The following TRDMT1 variants were observed in gnomAD, a reference collection of about 807,000 sequenced individuals.
The protein encoded by TRDMT1 is tRNA (cytosine(38)-C(5))-methyltransferase.
In TRDMT1, 49 loss-of-function variants were observed where a neutral mutation model predicts 51.2. The observed-to-expected ratio is 0.96, with a 90% CI of 0.76 to 1.21. The LOEUF (loss-of-function observed/expected upper bound fraction) is 1.21. TRDMT1 is among the 50% of genes most tolerant of loss of function. TRDMT1 has a pLI of 0.00. For synonymous variants in TRDMT1, 187 were observed against 164.6 expected (o/e 1.14, Z -1.04); for missense variants, 534 against 462.3 (o/e 1.16, Z -1.42).
chr10:17,147,213 A>G lies in TRDMT1; in HGVS notation c.*1827T>C, dbSNP rs180802876. ...ACAGAACCTACATGAAAGTGTGCCA[A>G]AATAATTTGTGATTGTTTACTGAAA... On this transcript the variant is annotated 3_prime_UTR_variant, in exon 11 of 11. Coordinates refer to ENST00000377799, the MANE Select transcript of TRDMT1 (RefSeq NM_004412.7). 9.0e-3 allele frequency: 8,898 copies of G among 985,820 alleles called. 38 individuals carry two copies. The highest frequency in any genetic ancestry group is 0.01 in the Non-Finnish European group (8,515 of 829,900). 61.1% of individuals were successfully genotyped at this position (985,820 alleles called of 1,614,324 possible).
chr10:17,156,441 G>C (rs11594991), intron 8 of TRDMT1, among the ~76,000 whole-genome samples: 2 of 151,704 alleles, frequency 1.3e-5, no homozygotes, highest in Non-Finnish European at 2.9e-5. Flanking sequence ...CACCATGTTG[G>C]CCAGGCTAGT....
At chr10:17,162,286 T>C (rs1252422302) in intron 3 of TRDMT1, 49 bp from the exon 4 acceptor site, 6 of 1,502,448 alleles carry the variant, frequency 4.0e-6, no homozygotes, top group Non-Finnish European at 5.4e-6. Context: ...AGAAAGTTTA[T>C]TAAGAATCTG....
chr10:17,150,535 C>A (rs1838552749), intron 10 of TRDMT1: 4 of 985,186 alleles, frequency 4.1e-6, no homozygotes, highest in Non-Finnish European at 4.8e-6. Context: ...TGTCCACGTA[C>A]AAGCGTGTGC....
rs371708727 is a variant in TRDMT1 at position 17,178,056 on chromosome 10, T to C, written c.65-3396A>G. 1.4e-4 allele frequency among the ~76,000 whole-genome samples: 21 copies of C among 152,320 alleles called. No homozygotes were observed. In the South Asian group the frequency reaches 3.9e-3, roughly 29 times the overall value. ...AGAAAGAAAATTAAGGCATAACCAG[T>C]CCACTTTGAAATAAGGAAAGAAATT... is the stretch of plus-strand genomic sequence containing the variant. On this transcript the variant is annotated intron_variant, in intron 1 of 10. Transcript: ENST00000377799.
At chr10:17,190,517 A>C (rs1844549736) in intron 1 of TRDMT1, among the ~76,000 whole-genome samples, 1 of 152,152 alleles carries the variant, frequency 6.6e-6, no homozygotes, top group Non-Finnish European at 1.5e-5. Context: ...CAGTGAGTAA[A>C]GACCAATTTA....
chr10:17,166,150 A>G (rs1454133900), intron 3 of TRDMT1, among the ~76,000 whole-genome samples: 1 of 152,182 alleles, frequency 6.6e-6, no homozygotes, highest in African/African-American at 2.4e-5. Context: ...GACTAGATTA[A>G]GAAAATGTGG....
rs78362086 is a variant in TRDMT1, at chr10:17,191,729, T to C, written c.64+9842A>G. On this transcript the variant is annotated intron_variant, in intron 1 of 10. Coordinates refer to ENST00000377799, the MANE Select transcript of TRDMT1 (RefSeq NM_004412.7). ...ACTGGCATTTGAGCAAGGAGCACCA[T>C]TGCGGGAGGAGGGAGAGAGTGTATC... Among the ~76,000 whole-genome samples, 455 of 152,242 alleles carry C rather than the reference T, an allele frequency of 3.0e-3. 5 individuals carry two copies. The highest frequency in any genetic ancestry group is 0.011 in the African/African-American group (437 of 41,546).
chr10:17,143,955 A>C lies in TRDMT1; in HGVS notation c.*5085T>G. 1.0e-6 allele frequency: 1 copy of C among 985,478 alleles called. No individual in the cohort carries two copies. The highest frequency in any genetic ancestry group is 5.2e-4 in the Middle Eastern group (1 of 1,914). 61.0% of individuals were successfully genotyped at this position (985,478 alleles called of 1,614,324 possible). ...ATACAACTTGAATAGCAAGATATCC[A>C]AGTTAAAAATGTCCCAGCATGAAGA... On this transcript the variant is annotated 3_prime_UTR_variant, in exon 11 of 11. Coordinates refer to ENST00000377799, the MANE Select transcript of TRDMT1 (RefSeq NM_004412.7).
At chr10:17,162,030 G>A (rs1036492788) in intron 4 of TRDMT1, 136 bp downstream of exon 4, 60 of 754,382 alleles carry the variant, frequency 8.0e-5, no homozygotes, top group Non-Finnish European at 1.3e-4. Flanking sequence ...CATGGTAGGA[G>A]AAGATAAATG....
At chr10:17,174,748 T>A in intron 1 of TRDMT1, 88 bp from the exon 2 acceptor site, 1 of 1,013,504 alleles carries the variant, frequency 9.9e-7, no homozygotes, top group Non-Finnish European at 1.5e-6. Flanking sequence ...AGTAATCCAT[T>A]TCCTTATTTC....
At chr10:17,199,702 T>A (rs1386332691) in intron 1 of TRDMT1, among the ~76,000 whole-genome samples, 15 of 152,094 alleles carry the variant, frequency 9.9e-5, no homozygotes, top group Non-Finnish European at 1.5e-5. Context: ...CATGATCTGG[T>A]TTACTGTGCA....
At chr10:17,165,273 G>A (rs1841025220) in intron 3 of TRDMT1, among the ~76,000 whole-genome samples, 1 of 152,144 alleles carries the variant, frequency 6.6e-6, no homozygotes, top group Admixed American at 6.5e-5. Flanking sequence ...ATGGGGAAAG[G>A]ATTCCCTATT....
In TRDMT1 at chr10:17,143,146, C is replaced by A. The variant is rs1837821132; in HGVS notation, c.*5894G>T. ...ACAAATTAAATAGTTTTCAAGAGAA[C>A]AACTTAAAGACATTGTTTGAACTCC... is the stretch of plus-strand genomic sequence containing the variant. On this transcript the variant is annotated 3_prime_UTR_variant, in exon 11 of 11. Transcript: ENST00000377799. 1 of 985,280 alleles carries A rather than the reference C, an allele frequency of 1.0e-6. No individual in the cohort carries two copies. The highest frequency in any genetic ancestry group is 1.7e-5 in the African/African-American group (1 of 57,208). The allele number at this position is 985,280 out of a possible 1,614,324, so 61.0% of individuals were successfully genotyped here.
intron 10 of TRDMT1, among the ~76,000 whole-genome samples, 169 bp from the exon 11 acceptor site, chr10:17,149,309 C>T (rs1390284946): frequency 6.6e-6 from 1 of 152,110 alleles, no homozygotes; most frequent in Non-Finnish European, 1.5e-5. Context: ...TATTCTATAA[C>T]ATTATATTGC....
intron 1 of TRDMT1, among the ~76,000 whole-genome samples, chr10:17,186,375 G>A (rs927322627): frequency 6.6e-6 from 1 of 152,100 alleles, no homozygotes; most frequent in South Asian, 2.1e-4. Context: ...ATAATCACAG[G>A]AAGGACTGAG....
chr10:17,157,535 G>A lies in TRDMT1; in HGVS notation c.793C>T (p.Gln265Ter). ...AATGACTTTGGTGGTAAAAGATACT[G>A]GTTCACGTCAGTGTCATCTTCAAGA... Reference protein sequence around the residue: ...DFLEDDTDVNQYLLPPKSLLR... With the variant: ...DFLEDDTDVN Residue 265 changes from glutamine (Q) to a stop codon, truncating the protein, a stop_gained, in exon 8 of 11, where the codon CAG becomes TAG. Transcript: ENST00000377799. LOFTEE classifies it high-confidence loss of function. 6.2e-7 allele frequency: 1 copy of A among 1,614,024 alleles called. No homozygotes were observed. The highest frequency in any genetic ancestry group is 8.5e-7 in the Non-Finnish European group (1 of 1,179,946).
At chr10:17,152,022 T>C (rs1201908391) in intron 10 of TRDMT1, 4 of 1,300,568 alleles carry the variant, frequency 3.1e-6, no homozygotes, top group African/African-American at 3.0e-5. Context: ...AAAAAAGCAC[T>C]GAAGAAAAGC....
Position 17,144,491 on chromosome 10 carries a change from G to A in TRDMT1, c.*4549C>T. On this transcript the variant is annotated 3_prime_UTR_variant, in exon 11 of 11. Coordinates refer to ENST00000377799, the MANE Select transcript of TRDMT1 (RefSeq NM_004412.7). ...AAAAATGAGATTTTGGAAGCTTTAG[G>A]AGTCAAGTGTGGTGTACTTGAGGGA... 1 of 985,782 alleles carries A rather than the reference G, an allele frequency of 1.0e-6. No homozygotes were observed. The allele number at this position is 985,782 out of a possible 1,614,324, so 61.1% of individuals were successfully genotyped here.
In TRDMT1 at chr10:17,140,739, A is replaced by AGT. The variant is rs111472358; in HGVS notation, c.*8300_*8301insAC. Among the ~76,000 whole-genome samples the AGT allele has an allele frequency of 4.6e-5, 7 of 152,118 alleles. No individual in the cohort carries two copies. The highest frequency in any genetic ancestry group is 1.4e-4 in the African/African-American group (6 of 41,466). On this transcript the variant is annotated 3_prime_UTR_variant, in exon 11 of 11. Transcript: ENST00000377799. ...CATTGATGAAAACAAAAACAACAAAAAAGATCACATTCAATTGAAAAATAT... is the reference window on the plus strand; with the variant it reads ...CATTGATGAAAACAAAAACAACAAAAGTAAGATCACATTCAATTGAAAAATAT...
Sources: gnomAD v4.1 joint callset for allele counts (sites outside exome capture counted in the v4.1 genomes callset) on GRCh38, gnomAD v4.1.1 for gene constraint, MANE v1.5 for transcripts, NCBI Gene and HGNC (gene_info 2026-07-23, HGNC 2026-07-21) for gene names.